Variants in OR2F1 observed in about 807,000 individuals in gnomAD.
OR2F1 encodes the protein olfactory receptor family 2 subfamily F member 1, also known as olfactory receptor 2F1.
For missense variants in OR2F1, 389 were observed against 378.2 expected (o/e 1.03, Z -0.24); for synonymous variants, 146 against 155.3 (o/e 0.94, Z 0.44).
At chr7:143,958,312 G>A (rs192502945) in intron 1 of OR2F1, among the ~76,000 whole-genome samples, 2 of 152,188 alleles carry the variant, frequency 1.3e-5, no homozygotes, top group East Asian at 3.9e-4. Context: ...GTCTCTTTGA[G>A]GAAATCAAAC....
rs1309020232 is a variant in OR2F1 at position 143,963,471 on chromosome 7, C to A, written c.*2547C>A. 6.6e-6 allele frequency: 1 copy of A among 152,080 alleles called. No individual in the cohort carries two copies. Among genetic ancestry groups the A allele is most frequent in the East Asian group, 1.9e-4 (1 of 5,184 alleles). 9.4% of individuals were successfully genotyped at this position (152,080 alleles called of 1,614,324 possible). A position where few individuals can be genotyped will look rare whatever the true frequency, so the allele number is the denominator to read the frequency against. On this transcript the variant is annotated 3_prime_UTR_variant, in exon 3 of 3. Coordinates refer to ENST00000641412, the MANE Select transcript of OR2F1 (RefSeq NM_012369.3). ...CTCATATTCTGTATTAGTCAGGTTTCTTTAGAGAGACAAGACTAATAGGAT... is the reference window on the plus strand; with the variant it reads ...CTCATATTCTGTATTAGTCAGGTTTATTTAGAGAGACAAGACTAATAGGAT...
At chr7:143,957,935 A>G (rs1373914274) in intron 1 of OR2F1, among the ~76,000 whole-genome samples, 1 of 152,194 alleles carries the variant, frequency 6.6e-6, no homozygotes, top group African/African-American at 2.4e-5. Context: ...TGAAGTTCAC[A>G]CTTTCTCTGA....
chr7:143,960,867 G>A lies in OR2F1; in HGVS notation c.897G>A (p.Gly299=), dbSNP rs765246232. The change falls in exon 3 of 3, where the codon GGG becomes GGA. Residue 299 remains glycine (G), a synonymous_variant. Coordinates refer to ENST00000641412, the MANE Select transcript of OR2F1 (RefSeq NM_012369.3). ...GCCTAAGGAATAAAGAGGTGAAGGG[G>A]GCCTGGCAGAAACTATTATGGAAAT... ...IYSLRNKEVK[G]AWQKLLWKFS... is the part of the protein sequence containing the mutation. The A allele has an allele frequency of 4.3e-6, 7 of 1,613,606 alleles. No individual in the cohort carries two copies. The highest frequency in any genetic ancestry group is 5.9e-6 in the Non-Finnish European group (7 of 1,179,874).
intron 1 of OR2F1, among the ~76,000 whole-genome samples, chr7:143,957,879 A>G (rs1204434749): frequency 6.8e-6 from 1 of 147,878 alleles, no homozygotes; most frequent in Non-Finnish European, 1.5e-5. Context: ...AAGTCTCAGG[A>G]AGCAGAACAA....
In OR2F1 at chr7:143,961,711, CTCTT is replaced by C. The variant is rs766481486; in HGVS notation, c.*791_*794del. 1 of 152,096 alleles carries C rather than the reference CTCTT, an allele frequency of 6.6e-6. No homozygotes were observed. Among genetic ancestry groups the C allele is most frequent in the Non-Finnish European group, 1.5e-5 (1 of 68,010 alleles). 9.4% of individuals were successfully genotyped at this position (152,096 alleles called of 1,614,324 possible). ...GATCAATCTCTGAAAAATCTGTAAG[CTCTT>C]TCTCAGAATCTTCAGAAACACACAA... On this transcript the variant is annotated 3_prime_UTR_variant, in exon 3 of 3. Coordinates refer to ENST00000641412, the MANE Select transcript of OR2F1 (RefSeq NM_012369.3).
In OR2F1 at chr7:143,961,164, A is replaced by T; in HGVS notation, c.*240A>T. 2.1e-6 allele frequency: 1 copy of T among 468,944 alleles called. No individual in the cohort carries two copies. The highest frequency in any genetic ancestry group is 3.9e-6 in the Non-Finnish European group (1 of 258,334). The allele number at this position is 468,944 out of a possible 1,614,324, so 29.0% of individuals were successfully genotyped here. On this transcript the variant is annotated 3_prime_UTR_variant, in exon 3 of 3. Transcript: ENST00000641412. ...AACCTCCCACACTTCTTCCACCTCC[A>T]CTCTTACAGCCTGACAATCGTTGAA...
chr7:143,956,693 A>C (rs1270696148), intron 1 of OR2F1, among the ~76,000 whole-genome samples: 1 of 152,192 alleles, frequency 6.6e-6, no homozygotes, highest in Admixed American at 6.5e-5. Flanking sequence ...GTGCTTAAAA[A>C]GGACATAAAA....
At chr7:143,957,183 G>T (rs932670437) in intron 1 of OR2F1, among the ~76,000 whole-genome samples, 4 of 152,168 alleles carry the variant, frequency 2.6e-5, no homozygotes, top group African/African-American at 9.7e-5. Context: ...AACTGTAGAA[G>T]TTGAGTACAA....
At chr7:143,955,561 TACTATATC>T (rs1448140526) in intron 1 of OR2F1, among the ~76,000 whole-genome samples, 4 of 152,176 alleles carry the variant, frequency 2.6e-5, no homozygotes, top group Non-Finnish European at 5.9e-5. Context: ...GCACCTGTCT[TACTATATC>T]ACACATTGTT....
chr7:143,955,361 T>C (rs1023470669), intron 1 of OR2F1, among the ~76,000 whole-genome samples: 3 of 152,166 alleles, frequency 2.0e-5, no homozygotes, highest in Admixed American at 1.3e-4. Flanking sequence ...TTATGTGATG[T>C]AAAGGATCAG....
rs1326192638 is a variant in OR2F1 at position 143,961,935 on chromosome 7, C to T, written c.*1011C>T. 1.3e-5 allele frequency: 2 copies of T among 152,230 alleles called. No individual in the cohort carries two copies. The highest frequency in any genetic ancestry group is 4.8e-5 in the African/African-American group (2 of 41,450). 9.4% of individuals were successfully genotyped at this position (152,230 alleles called of 1,614,324 possible). ...GAACTTCTCTTGCCACCTCCGTCTT[C>T]GTCACCTTCACACACACAACAGAGC... On this transcript the variant is annotated 3_prime_UTR_variant, in exon 3 of 3. Transcript: ENST00000641412.
rs1448988492 is a variant in OR2F1 at position 143,961,226 on chromosome 7, G to A, written c.*302G>A. ...ACTTACTGTTTTGATTTGTCATATC[G>A]TTTGTAATGATAGACCTACTCATGG... On this transcript the variant is annotated 3_prime_UTR_variant, in exon 3 of 3. Transcript: ENST00000641412. 2.0e-5 allele frequency: 6 copies of A among 306,406 alleles called. No homozygotes were observed. Among genetic ancestry groups the A allele is most frequent in the Non-Finnish European group, 3.0e-5 (5 of 164,128 alleles). 19.0% of individuals were successfully genotyped at this position (306,406 alleles called of 1,614,324 possible). A position where few individuals can be genotyped will look rare whatever the true frequency, so the allele number is the denominator to read the frequency against.
At position 143,956,844 on chromosome 7, in the gene OR2F1, G is replaced by C. The variant is rs528557216; in HGVS notation, c.-180+1741G>C. 1.8e-3 allele frequency among the ~76,000 whole-genome samples: 272 copies of C among 152,186 alleles called. 1 individual carries two copies. The highest frequency in any genetic ancestry group is 6.0e-3 in the African/African-American group (250 of 41,546). On this transcript the variant is annotated intron_variant, in intron 1 of 2. Transcript: ENST00000641412. The stretch of plus-strand genomic sequence containing the variant: ...AGAGGGAAAAGGTAAGTGTGGCTGA[G>C]AGTAAGGAGGAGATGGGGGAGATAT...
In OR2F1 at chr7:143,956,410, G is replaced by T. The variant is rs957239950; in HGVS notation, c.-180+1307G>T. On this transcript the variant is annotated intron_variant, in intron 1 of 2. Coordinates refer to ENST00000641412, the MANE Select transcript of OR2F1 (RefSeq NM_012369.3). Reference sequence around the variant, plus strand: ...ATCAGTCCATAAACATTCGAAACAAGATATATTTTTTGAATATTAATTATT... The same window carrying T: ...ATCAGTCCATAAACATTCGAAACAATATATATTTTTTGAATATTAATTATT... Among the ~76,000 whole-genome samples the T allele has an allele frequency of 2.6e-5, 4 of 151,944 alleles. No homozygotes were observed. The East Asian group carries it at 7.7e-4, about 29-fold the overall frequency.
chr7:143,960,370 G>A lies in OR2F1; in HGVS notation c.400G>A (p.Ala134Thr), dbSNP rs764628613. 1.2e-6 allele frequency: 2 copies of A among 1,614,138 alleles called. No individual in the cohort carries two copies. Among genetic ancestry groups the A allele is most frequent in the Admixed American group, 1.7e-5 (1 of 59,996 alleles). Residue 134 changes from alanine (A) to threonine (T), a missense_variant, in exon 3 of 3, where the codon GCC (alanine) becomes ACC (threonine). Coordinates refer to ENST00000641412, the MANE Select transcript of OR2F1 (RefSeq NM_012369.3). ...TGTGTGTGATGCCCTGCGATACTCG[G>A]CCATCATGCATGGAGGGCTGTGTGC... ...VAVCDALRYS[A>T]IMHGGLCARL...
At chr7:143,956,762 A>G (rs919656484) in intron 1 of OR2F1, among the ~76,000 whole-genome samples, 1 of 152,092 alleles carries the variant, frequency 6.6e-6, no homozygotes, top group African/African-American at 2.4e-5. Flanking sequence ...GAGTGAATGG[A>G]AGTTACATTA....
chr7:143,956,835 T>C (rs1586835724), intron 1 of OR2F1, among the ~76,000 whole-genome samples: 1 of 152,118 alleles, frequency 6.6e-6, no homozygotes, highest in East Asian at 1.9e-4. Flanking sequence ...AAAAGGTAAG[T>C]GTGGCTGAGA....
In OR2F1 at chr7:143,962,804, C is replaced by A. The variant is rs1273272166; in HGVS notation, c.*1880C>A. 1 of 152,000 alleles carries A rather than the reference C, an allele frequency of 6.6e-6. No homozygotes were observed. Among genetic ancestry groups the A allele is most frequent in the African/African-American group, 2.4e-5 (1 of 41,368 alleles). The allele number at this position is 152,000 out of a possible 1,614,324, so 9.4% of individuals were successfully genotyped here. On this transcript the variant is annotated 3_prime_UTR_variant, in exon 3 of 3. Coordinates refer to ENST00000641412, the MANE Select transcript of OR2F1 (RefSeq NM_012369.3). ...TTTATTCTAATAGAAAACAATAGTC[C>A]GTCAAAAATTTTTAGAAGGAGTATA...
At chr7:143,955,670 G>A (rs1023439658) in intron 1 of OR2F1, among the ~76,000 whole-genome samples, 4 of 152,124 alleles carry the variant, frequency 2.6e-5, no homozygotes, top group African/African-American at 9.7e-5. Context: ...TTGTGATCCT[G>A]TTTATGGAGG....
Sources: allele counts gnomAD v4.1 joint callset (sites outside exome capture counted in the v4.1 genomes callset), GRCh38; gene constraint gnomAD v4.1.1; transcripts MANE v1.5; gene names NCBI Gene and HGNC (gene_info 2026-07-23, HGNC 2026-07-21).